The following SOD2 variants were observed in gnomAD, a reference collection of about 807,000 sequenced individuals.
SOD2 encodes the protein superoxide dismutase 2, also known as superoxide dismutase [Mn], mitochondrial.
SOD2 carries 11 observed loss-of-function variants against 27.0 expected under a neutral mutation model. That is an observed-to-expected ratio of 0.41 (90% CI 0.26 to 0.67). The LOEUF (loss-of-function observed/expected upper bound fraction) is 0.67, where lower values mean the gene tolerates loss of function less well. SOD2 is among the 30% of genes least tolerant of loss of function. The probability of loss-of-function intolerance (pLI) is 0.34; values close to 1 mark genes in which losing one functional copy is unlikely to be tolerated. For synonymous variants in SOD2, 105 were observed against 103.0 expected, an observed-to-expected ratio of 1.02 and a Z score of -0.12; for missense variants, 250 against 274.5, an observed-to-expected ratio of 0.91 and a Z score of 0.63.
rs201914628 is a variant in SOD2, at chr6:159,712,292, A to C, written c.-116+14837T>G. Among the ~76,000 whole-genome samples the C allele has an allele frequency of 8.4e-3, 800 of 94,688 alleles. 1 individual carries two copies. The highest frequency in any genetic ancestry group is 9.0e-3 in the Non-Finnish European group (404 of 44,758). 62.1% of individuals were successfully genotyped at this position (94,688 alleles called of 152,430 possible). A position where few individuals can be genotyped will look rare whatever the true frequency, so the allele number is the denominator to read the frequency against. On this transcript the variant is annotated intron_variant, in intron 1 of 2. Transcript: ENST00000401980. ...CACCACTCACATTGCTCTGATCACC[A>C]TAACCACCTCCATAACCACCACTCA...
chr6:159,689,373 A>C (rs1475761358), intron 2 of SOD2, among the ~76,000 whole-genome samples: 1 of 151,468 alleles, frequency 6.6e-6, no homozygotes, highest in Non-Finnish European at 1.5e-5. Flanking sequence ...CAGACCCTTT[A>C]CTCCTTCTCA....
chr6:159,706,479 T>TA (rs1246867468), intron 1 of SOD2, among the ~76,000 whole-genome samples: 2 of 152,048 alleles, frequency 1.3e-5, no homozygotes. Flanking sequence ...TAGTCTCTGA[T>TA]AAAACAGACT....
At chr6:159,753,452 C>T (rs1419208118) in intron 1 of SOD2, 2 of 1,614,114 alleles carry the variant, frequency 1.2e-6, no homozygotes, top group Middle Eastern at 1.6e-4. Flanking sequence ...TGGCTCTTTC[C>T]TTTGCAGCCA....
chr6:159,753,643 T>C, intron 1 of SOD2: 1 of 1,580,672 alleles, frequency 6.3e-7, no homozygotes, highest in Non-Finnish European at 8.6e-7. Flanking sequence ...TTTGGAACGT[T>C]GTCTCAACTT....
upstream of SOD2, among the ~76,000 whole-genome samples, chr6:159,694,307 T>C (rs577085959): frequency 3.1e-4 from 47 of 152,306 alleles, no homozygotes; most frequent in African/African-American, 1.0e-3. Context: ...ACACTGCCAT[T>C]GGCGGGAGTT....
chr6:159,756,867 G>A lies in SOD2; in HGVS notation c.-336+4170C>T, dbSNP rs566744560. On this transcript the variant is annotated intron_variant, in intron 1 of 7. Coordinates refer to the SOD2 transcript ENST00000546087. ...GATCCTTCTGCCTTGGCTTCCCAAC[G>A]TGTTGGGATTGCAGGAGTGAGCTAC... Among the ~76,000 whole-genome samples the A allele has an allele frequency of 7.9e-5, 12 of 152,254 alleles. 1 individual carries two copies. The South Asian group carries it at 2.3e-3, about 29-fold the overall frequency.
upstream of SOD2, among the ~76,000 whole-genome samples, chr6:159,745,437 C>CTT (rs34144985): frequency 1.4e-5 from 2 of 145,228 alleles, no homozygotes; most frequent in South Asian, 2.2e-4. Flanking sequence ...CCTTTTCCAG[C>CTT]TTTTTTTTTT....
intron 1 of SOD2, among the ~76,000 whole-genome samples, chr6:159,714,412 G>A (rs778283973): frequency 5.3e-5 from 8 of 151,942 alleles, no homozygotes; most frequent in Non-Finnish European, 7.4e-5. Context: ...GAACAGACCC[G>A]CACATTCCAT....
rs1777591099 is a variant in SOD2 at position 159,704,804 on chromosome 6, T to C, written c.-115-11941A>G. Among the ~76,000 whole-genome samples, 3 of 152,294 alleles carry C rather than the reference T, an allele frequency of 2.0e-5. No homozygotes were observed. In the South Asian group the frequency reaches 6.2e-4, roughly 32 times the overall value. On this transcript the variant is annotated intron_variant, in intron 1 of 2. Transcript: ENST00000401980. ...GGTTCTCCCAGCACAGAGTTTGAGA[T>C]CTGACAACAGACAGACCACGTCCTC...
At chr6:159,727,693 T>A, upstream of SOD2, 1 of 982,906 alleles carries the variant, frequency 1.0e-6, no homozygotes, top group Non-Finnish European at 1.2e-6. Flanking sequence ...GCGCGGCTTC[T>A]GCCTGGAGAG....
intron 1 of SOD2, among the ~76,000 whole-genome samples, chr6:159,732,813 G>C (rs147241129): frequency 6.6e-6 from 1 of 151,936 alleles, no homozygotes; most frequent in South Asian, 2.1e-4. Context: ...AACAGAGACC[G>C]GGCGCAGGGG....
chr6:159,752,747 A>T (rs1354671112), intron 1 of SOD2, among the ~76,000 whole-genome samples: 3 of 152,186 alleles, frequency 2.0e-5, no homozygotes, highest in Admixed American at 1.3e-4. Context: ...GTACCAGAAA[A>T]CTTCCCTCTC....
Position 159,676,126 on chromosome 6 carries a change from G to A in SOD2, c.*6367C>T, listed in dbSNP as rs1779773481. 1 of 152,194 alleles carries A rather than the reference G, an allele frequency of 6.6e-6. No individual in the cohort carries two copies. The highest frequency in any genetic ancestry group is 1.5e-5 in the Non-Finnish European group (1 of 68,038). The allele number at this position is 152,194 out of a possible 1,614,324, so 9.4% of individuals were successfully genotyped here. A position where few individuals can be genotyped will look rare whatever the true frequency, so the allele number is the denominator to read the frequency against. On this transcript the variant is annotated 3_prime_UTR_variant, in exon 5 of 5. Coordinates refer to ENST00000538183, the MANE Select transcript of SOD2 (RefSeq NM_000636.4). ...GTGCTGGAGAGGATGTGGAGAAATA[G>A]GAACACTTTTACACTGGTGGTGGGA...
chr6:159,739,237 T>C (rs577540501), intron 1 of SOD2, among the ~76,000 whole-genome samples: 4 of 152,344 alleles, frequency 2.6e-5, no homozygotes, highest in Admixed American at 2.6e-4. Flanking sequence ...TTTAAAGAAC[T>C]ACTAGGAAGC....
intron 1 of SOD2, among the ~76,000 whole-genome samples, chr6:159,759,283 TC>T (rs1004925331): frequency 1.1e-3 from 169 of 150,174 alleles, no homozygotes; most frequent in African/African-American, 4.0e-3. Flanking sequence ...GGTCTTGAAC[TC>T]CCGACCTCAG....
chr6:159,688,007 T>C, intron 3 of SOD2, 119 bp downstream of exon 3: 1 of 689,972 alleles, frequency 1.4e-6, no homozygotes, highest in Non-Finnish European at 2.6e-6. Context: ...GCAAAACTCT[T>C]GTCTCAAAAA....
upstream of SOD2, among the ~76,000 whole-genome samples, chr6:159,694,828 G>A (rs1334420686): frequency 1.3e-5 from 2 of 150,834 alleles, no homozygotes; most frequent in Non-Finnish European, 2.9e-5. Context: ...GGTCTCGAAC[G>A]CCTGACCTCA....
chr6:159,696,879 C>CA (rs1777429425), upstream of SOD2, among the ~76,000 whole-genome samples: 1 of 151,886 alleles, frequency 6.6e-6, no homozygotes. Flanking sequence ...CTGTCTCTAC[C>CA]AAAAAACAGT....
At chr6:159,757,745 T>A (rs956996933) in intron 1 of SOD2, among the ~76,000 whole-genome samples, 2 of 152,154 alleles carry the variant, frequency 1.3e-5, no homozygotes, top group Admixed American at 1.3e-4. Flanking sequence ...CTCAAGTGAG[T>A]AAAAAATCCT....
Sources: allele counts gnomAD v4.1 joint callset (sites outside exome capture counted in the v4.1 genomes callset), GRCh38; gene constraint gnomAD v4.1.1; transcripts MANE v1.5; gene names NCBI Gene and HGNC (gene_info 2026-07-23, HGNC 2026-07-21).